EIF4E3: variants seen among roughly 807,000 people sequenced by gnomAD.
EIF4E3 encodes the protein eukaryotic translation initiation factor 4E type 3.
A neutral mutation model predicts 31.7 loss-of-function variants in EIF4E3; 26 were observed. The observed-to-expected ratio is 0.82, with a 90% CI of 0.60 to 1.14. The LOEUF (loss-of-function observed/expected upper bound fraction) is 1.14. EIF4E3 is among the 50% of genes most tolerant of loss of function. The pLI is 0.00. For missense variants in EIF4E3, 304 were observed against 270.9 expected, an observed-to-expected ratio of 1.12 and a Z score of -0.86; for synonymous variants, 128 against 107.7, an observed-to-expected ratio of 1.19 and a Z score of -1.17.
chr3:71,670,137 A>G, the EIF4E3 span, among the ~76,000 whole-genome samples: 1 of 152,188 alleles, frequency 6.6e-6, no homozygotes, highest in African/African-American at 2.4e-5. Context: ...TAAACTGTCG[A>G]ACGTCAGGGG....
intron 1 of EIF4E3, among the ~76,000 whole-genome samples, chr3:71,740,767 T>C (rs1318989052): frequency 1.3e-5 from 2 of 152,118 alleles, no homozygotes; most frequent in Non-Finnish European, 2.9e-5. Context: ...AAATATTTAC[T>C]GAGTACCTAC....
chr3:71,693,918 C>G lies in EIF4E3; in HGVS notation c.429G>C (p.Leu143=). The change falls in exon 5 of 7, where the codon CTG becomes CTC. Residue 143 remains leucine (L), a synonymous_variant. Coordinates refer to ENST00000425534, the MANE Select transcript of EIF4E3 (RefSeq NM_001134651.2). ...TGAACTGTTCCCCGATGGTTGCTAA[C>G]AGCAACTCTTTCCAAACTGTGGACT... The part of the protein sequence containing the change: ...DSTSTVWKEL[L]LATIGEQFTD... The G allele has an allele frequency of 1.3e-6, 2 of 1,585,996 alleles. No individual in the cohort carries two copies.
intron 1 of EIF4E3, among the ~76,000 whole-genome samples, chr3:71,736,288 AT>A (rs1403276345): frequency 1.3e-5 from 2 of 152,256 alleles, no homozygotes; most frequent in African/African-American, 2.4e-5. Context: ...TGATCCAGCA[AT>A]TATACTCCTT....
intron 1 of EIF4E3, among the ~76,000 whole-genome samples, chr3:71,733,628 G>A (rs1443457788): frequency 1.3e-5 from 2 of 152,066 alleles, no homozygotes; most frequent in Admixed American, 1.3e-4. Flanking sequence ...CTGAGGGGTG[G>A]GGAGCTCACC....
At chr3:71,671,373 A>G (rs147535898), downstream of EIF4E3, among the ~76,000 whole-genome samples, 670 of 152,062 alleles carry the variant, frequency 4.4e-3, 8 homozygotes, top group African/African-American at 0.015. Context: ...GGCTTGGAGC[A>G]CCCGTGTCGG....
At chr3:71,697,905 T>C (rs770818311) in intron 3 of EIF4E3, among the ~76,000 whole-genome samples, 2 of 152,132 alleles carry the variant, frequency 1.3e-5, no homozygotes, top group African/African-American at 2.4e-5. Context: ...GACATACTGA[T>C]TTCCTTTCTT....
At chr3:71,754,018 C>T (rs868196398), upstream of EIF4E3, 11 of 1,131,326 alleles carry the variant, frequency 9.7e-6, no homozygotes, top group East Asian at 1.5e-4. The surrounding 1 kb of genome is among the most constrained non-coding windows in gnomAD (Gnocchi z 5.8). Flanking sequence ...GGGACGGCCC[C>T]GGGGCGGAGC....
intron 3 of EIF4E3, 24 bp from the exon 4 acceptor site, chr3:71,696,544 A>G (rs1436872491): frequency 2.5e-6 from 4 of 1,613,896 alleles, no homozygotes; most frequent in Non-Finnish European, 3.4e-6. Context: ...CAACGTTTAA[A>G]GTTACACTCA....
At chr3:71,686,785 C>A (rs891113364) in intron 6 of EIF4E3, among the ~76,000 whole-genome samples, 2 of 152,036 alleles carry the variant, frequency 1.3e-5, no homozygotes, top group Non-Finnish European at 2.9e-5. Flanking sequence ...GTCATAGTTG[C>A]AAACTACAAT....
chr3:71,703,102 CT>C (rs796096002), intron 2 of EIF4E3, among the ~76,000 whole-genome samples: 1 of 151,902 alleles, frequency 6.6e-6, no homozygotes, highest in African/African-American at 2.4e-5. Context: ...TGGTTAAATG[CT>C]TTTTTTTCCC....
chr3:71,750,763 T>C (rs2049918674), intron 1 of EIF4E3, among the ~76,000 whole-genome samples: 1 of 134,888 alleles, frequency 7.4e-6, no homozygotes, highest in South Asian at 2.3e-4. Context: ...CTACAAATAA[T>C]TGGTTTTTTT....
At chr3:71,729,842 TTAAG>T (rs1170067227), upstream of EIF4E3, among the ~76,000 whole-genome samples, 26 of 58,306 alleles carry the variant, frequency 4.5e-4, no homozygotes, top group Admixed American at 8.1e-4. Flanking sequence ...GTGTGTGTAT[TTAAG>T]TGTTTGTTGA....
At chr3:71,737,765 C>CA (rs561825500) in intron 1 of EIF4E3, among the ~76,000 whole-genome samples, 1 of 151,058 alleles carries the variant, frequency 6.6e-6, no homozygotes, top group Non-Finnish European at 1.5e-5. Flanking sequence ...TCATCTCTAC[C>CA]AAAAAACAAA....
At chr3:71,688,559 GTTCTCC>G (rs1433908385) in intron 6 of EIF4E3, among the ~76,000 whole-genome samples, 1 of 152,180 alleles carries the variant, frequency 6.6e-6, no homozygotes. Flanking sequence ...CCAAATTGGT[GTTCTCC>G]TCTTTAGAGT....
In EIF4E3 at chr3:71,679,786, T is replaced by C. The variant is rs757697504; in HGVS notation, c.*4896A>G. On this transcript the variant is annotated 3_prime_UTR_variant, in exon 7 of 7. Coordinates refer to ENST00000425534, the MANE Select transcript of EIF4E3 (RefSeq NM_001134651.2). ...GACAATTAATTTTAGTGGAAATTCA[T>C]TCCCAGGCTACTTTGATAGTCATTT... The C allele has an allele frequency of 6.6e-6, 1 of 152,214 alleles. No individual in the cohort carries two copies. Among genetic ancestry groups the C allele is most frequent in the Non-Finnish European group, 1.5e-5 (1 of 68,032 alleles). The allele number at this position is 152,214 out of a possible 1,614,324, so 9.4% of individuals were successfully genotyped here.
intron 1 of EIF4E3, among the ~76,000 whole-genome samples, chr3:71,719,072 T>C (rs1002972246): frequency 1.3e-5 from 2 of 152,204 alleles, no homozygotes; most frequent in African/African-American, 4.8e-5. Flanking sequence ...AGATTTGTTA[T>C]TATGGAACAC....
rs1332250188 is a variant in EIF4E3 at position 71,710,354 on chromosome 3, G to A, written c.249+58C>T. On this transcript the variant is annotated intron_variant, in intron 2 of 6. Transcript: ENST00000425534. ...AGCACAGCAACAGATTTCAAGTTGG[G>A]TGATTAGGTGTCTGACGTGTGCCGT... The A allele has an allele frequency of 2.0e-6, 3 of 1,518,938 alleles. No homozygotes were observed. The African/African-American group carries it at 4.1e-5, about 21-fold the overall frequency. The allele number at this position is 1,518,938 out of a possible 1,614,324, so 94.1% of individuals were successfully genotyped here.
chr3:71,753,690 G>A, upstream of EIF4E3: 1 of 150,014 alleles, frequency 6.7e-6, no homozygotes, highest in Admixed American at 6.8e-5. Context: ...AGCGGCGGCG[G>A]CGGGCCCGGC....
In EIF4E3 at chr3:71,691,705, C is replaced by T. The variant is rs1484838853; in HGVS notation, c.473-1540G>A. On this transcript the variant is annotated intron_variant, in intron 5 of 6. Coordinates refer to ENST00000425534, the MANE Select transcript of EIF4E3 (RefSeq NM_001134651.2). Reference sequence around the variant, plus strand: ...TGTGCAATCTTCTGTATATATGCCACATTTAAACAAAAGAGTCAAAAAACA... The same window carrying T: ...TGTGCAATCTTCTGTATATATGCCATATTTAAACAAAAGAGTCAAAAAACA... Among the ~76,000 whole-genome samples, 7 of 152,320 alleles carry T rather than the reference C, an allele frequency of 4.6e-5. No homozygotes were observed. In the East Asian group the frequency reaches 9.6e-4, roughly 21 times the overall value.
Sources: gnomAD v4.1 joint callset for allele counts (sites outside exome capture counted in the v4.1 genomes callset) on GRCh38, gnomAD v4.1.1 for gene constraint, Gnocchi (gnomAD v3.1) non-coding constraint, MANE v1.5 for transcripts, NCBI Gene and HGNC (gene_info 2026-07-23, HGNC 2026-07-21) for gene names.